The following NUBPL variants were observed in gnomAD, a reference collection of about 807,000 sequenced individuals.
NUBPL encodes the protein NUBP iron-sulfur cluster assembly factor, mitochondrial.
In NUBPL, 31 loss-of-function variants were observed where a neutral mutation model predicts 45.7. The observed-to-expected ratio is 0.68, with a 90% CI of 0.51 to 0.92. The LOEUF is 0.92. Ranked by LOEUF, NUBPL falls within the 40% of genes least tolerant of loss-of-function variation. The probability of loss-of-function intolerance (pLI) is 0.00; values close to 1 mark genes in which losing one functional copy is unlikely to be tolerated. For missense variants in NUBPL, 401 were observed against 398.7 expected, an observed-to-expected ratio of 1.01 and a Z score of -0.05; for synonymous variants, 144 against 140.9, an observed-to-expected ratio of 1.02 and a Z score of -0.15.
chr14:31,771,773 T>A, intron 6 of NUBPL: 1 of 522,454 alleles, frequency 1.9e-6, no homozygotes, highest in Non-Finnish European at 2.5e-6. Flanking sequence ...TTAATTTCCT[T>A]GTGCTCTCCT....
chr14:31,612,566 CAGG>C (rs1341726022), intron 4 of NUBPL, among the ~76,000 whole-genome samples: 1 of 151,882 alleles, frequency 6.6e-6, no homozygotes, highest in Non-Finnish European at 1.5e-5. Flanking sequence ...GAGGCTGAGG[CAGG>C]AGAATTGCTC....
At chr14:31,665,141 T>C (rs534400867) in intron 4 of NUBPL, among the ~76,000 whole-genome samples, 10 of 152,190 alleles carry the variant, frequency 6.6e-5, no homozygotes, top group Non-Finnish European at 1.2e-4. Context: ...TGCCTAGTGG[T>C]CTACCCATTT....
intron 6 of NUBPL, among the ~76,000 whole-genome samples, chr14:31,764,053 T>C (rs1566549359): frequency 6.6e-6 from 1 of 152,172 alleles, no homozygotes; most frequent in African/African-American, 2.4e-5. Context: ...TAGTTAGTTT[T>C]GATATAGAAC....
intron 6 of NUBPL, among the ~76,000 whole-genome samples, chr14:31,695,389 C>T (rs1374528434): frequency 6.8e-6 from 1 of 147,290 alleles, no homozygotes; most frequent in African/African-American, 2.5e-5. Flanking sequence ...CTATCTAAGA[C>T]CAAAAATTAC....
chr14:31,577,945 C>A (rs2033759566), intron 3 of NUBPL: 2 of 1,288,592 alleles, frequency 1.6e-6, no homozygotes, highest in African/African-American at 3.0e-5. Flanking sequence ...TTAGAGTGAC[C>A]ATGACTTTCA....
intron 6 of NUBPL, among the ~76,000 whole-genome samples, chr14:31,769,165 A>G (rs1459152065): frequency 5.9e-5 from 9 of 152,224 alleles, no homozygotes; most frequent in Non-Finnish European, 1.2e-4. Context: ...CCGGCGCAAC[A>G]TATTATGTCA....
intron 4 of NUBPL, among the ~76,000 whole-genome samples, chr14:31,650,297 T>C (rs921699458): frequency 2.0e-5 from 3 of 148,492 alleles, no homozygotes; most frequent in African/African-American, 5.0e-5. Context: ...CTTTTTTTTT[T>C]TTTTTTTTTT....
chr14:31,673,400 C>T lies in NUBPL; in HGVS notation c.422+6C>T. On this transcript the variant is annotated splice_donor_region_variant and intron_variant, in intron 5 of 10. Coordinates refer to ENST00000281081, the MANE Select transcript of NUBPL (RefSeq NM_025152.3). ...TTGAATTATGGTATTGCTTGGTGAG[C>T]ATATATATATTTTTAATGTTACTTT... 6.2e-7 allele frequency: 1 copy of T among 1,607,006 alleles called. No individual in the cohort carries two copies. The highest frequency in any genetic ancestry group is 8.5e-7 in the Non-Finnish European group (1 of 1,175,372).
At chr14:31,809,428 T>C (rs958117684) in intron 7 of NUBPL, among the ~76,000 whole-genome samples, 2 of 152,218 alleles carry the variant, frequency 1.3e-5, no homozygotes, top group Non-Finnish European at 2.9e-5. Flanking sequence ...TATTCTCTGA[T>C]GGTAGTTTGT....
chr14:31,640,605 A>G (rs562870084), intron 4 of NUBPL, among the ~76,000 whole-genome samples: 28 of 125,586 alleles, frequency 2.2e-4, no homozygotes, highest in Admixed American at 2.1e-3. Flanking sequence ...ACAGAGTGAG[A>G]CTCTGTCTCA....
At chr14:31,655,947 T>C (rs1409963428) in intron 4 of NUBPL, among the ~76,000 whole-genome samples, 1 of 152,230 alleles carries the variant, frequency 6.6e-6, no homozygotes, top group African/African-American at 2.4e-5. Flanking sequence ...AAAGTCCTGG[T>C]ATCTTCTTCC....
intron 7 of NUBPL, among the ~76,000 whole-genome samples, chr14:31,821,770 A>G (rs139007344): frequency 8.5e-4 from 130 of 152,364 alleles, no homozygotes; most frequent in African/African-American, 3.0e-3. Flanking sequence ...AATAGCCAAG[A>G]TTTGAAAGCA....
intron 7 of NUBPL, among the ~76,000 whole-genome samples, chr14:31,810,126 A>G (rs1417584674): frequency 3.9e-5 from 6 of 152,180 alleles, no homozygotes; most frequent in African/African-American, 1.2e-4. Flanking sequence ...GTAGATGTCT[A>G]TTAGGTCCTC....
chr14:31,713,440 T>A (rs2037621438), intron 6 of NUBPL, among the ~76,000 whole-genome samples: 1 of 152,240 alleles, frequency 6.6e-6, no homozygotes, highest in Non-Finnish European at 1.5e-5. Flanking sequence ...TGCTGATAAT[T>A]TCAGCTCCTT....
At chr14:31,650,662 T>A (rs1170498938) in intron 4 of NUBPL, among the ~76,000 whole-genome samples, 4 of 152,194 alleles carry the variant, frequency 2.6e-5, no homozygotes, top group Non-Finnish European at 2.9e-5. Context: ...GAAGGAGAAA[T>A]GTAATTAAAA....
At chr14:31,589,646 C>G (rs2034090772) in intron 3 of NUBPL, among the ~76,000 whole-genome samples, 1 of 151,920 alleles carries the variant, frequency 6.6e-6, no homozygotes. Flanking sequence ...TTTTCCTTAC[C>G]TGTTTTGCTC....
intron 4 of NUBPL, among the ~76,000 whole-genome samples, chr14:31,641,273 G>A (rs993386148): frequency 1.3e-5 from 2 of 152,050 alleles, no homozygotes; most frequent in Non-Finnish European, 2.9e-5. Flanking sequence ...TTATATAACT[G>A]TGTATTTATT....
chr14:31,724,306 C>T (rs538134320), intron 6 of NUBPL, among the ~76,000 whole-genome samples: 1 of 152,262 alleles, frequency 6.6e-6, no homozygotes, highest in East Asian at 1.9e-4. Flanking sequence ...TGGTACTGTG[C>T]TTGGTTGGGC....
At chr14:31,578,652 C>A (rs1039533748) in intron 3 of NUBPL, among the ~76,000 whole-genome samples, 1 of 152,174 alleles carries the variant, frequency 6.6e-6, no homozygotes, top group Non-Finnish European at 1.5e-5. Context: ...AATGCTTTGC[C>A]AAATTAACCA....
Sources: gnomAD v4.1 joint callset for allele counts (sites outside exome capture counted in the v4.1 genomes callset) on GRCh38, gnomAD v4.1.1 for gene constraint, MANE v1.5 for transcripts, NCBI Gene and HGNC (gene_info 2026-07-23, HGNC 2026-07-21) for gene names.